Variants in ZNF143 observed in about 807,000 individuals in gnomAD.
ZNF143 encodes zinc finger protein 143, also known as SPH-binding factor.
In ZNF143, 49 loss-of-function variants were observed where a neutral mutation model predicts 74.1. That is an observed-to-expected ratio of 0.66 (90% CI 0.53 to 0.84). ZNF143 has a LOEUF of 0.84. ZNF143 is among the 40% of genes least tolerant of loss of function. The pLI is 0.00. For missense variants in ZNF143, 637 were observed against 793.4 expected (o/e 0.80, Z 2.37); for synonymous variants, 304 against 282.8 (o/e 1.07, Z -0.75).
Position 9,527,613 on chromosome 11 carries a change from A to G in ZNF143, c.1917A>G (p.Ter639=), listed in dbSNP as rs759241149. Residue 639 remains the stop codon, a stop_retained_variant, in exon 16 of 16, where the codon TAA becomes TAG. Transcript: ENST00000396602. ...QQGETPGLDD[*] is the part of the protein sequence containing the mutation. ...GAGAAACGCCAGGGTTGGATGATTAATCCTCAGAACAATGGAGCAATAAAG... is the reference window on the plus strand; with the variant it reads ...GAGAAACGCCAGGGTTGGATGATTAGTCCTCAGAACAATGGAGCAATAAAG... 5.6e-6 allele frequency: 9 copies of G among 1,613,598 alleles called. No homozygotes were observed. The Admixed American group carries it at 1.5e-4, about 27-fold the overall frequency.
intron 15 of ZNF143, among the ~76,000 whole-genome samples, chr11:9,527,119 C>T (rs1204931144): frequency 1.3e-5 from 2 of 152,114 alleles, no homozygotes; most frequent in Non-Finnish European, 2.9e-5. Flanking sequence ...AGGCGTGAGC[C>T]ACCGCGCCCA....
Position 9,494,628 on chromosome 11 carries a change from A to G in ZNF143, c.646-18A>G, listed in dbSNP as rs759589389. The G allele has an allele frequency of 3.2e-5, 51 of 1,610,816 alleles. No homozygotes were observed. The highest frequency in any genetic ancestry group is 4.1e-5 in the Non-Finnish European group (48 of 1,178,096). On this transcript the variant is annotated intron_variant, in intron 7 of 15. Transcript: ENST00000396602. ...GCCTGGCTTAAGTAATTTAAGTAAT[A>G]CTATTTGTTTTATTTAGATTGTTTT...
chr11:9,483,145 C>A (rs1467466063), intron 7 of ZNF143, among the ~76,000 whole-genome samples: 2 of 150,692 alleles, frequency 1.3e-5, no homozygotes, highest in African/African-American at 5.0e-5. Context: ...AGGCATGCAC[C>A]ACCACACCCA....
At chr11:9,479,166 T>C (rs1348584839) in intron 6 of ZNF143, among the ~76,000 whole-genome samples, 1 of 152,090 alleles carries the variant, frequency 6.6e-6, no homozygotes, top group Non-Finnish European at 1.5e-5. Context: ...TCTTTTTTTT[T>C]TTCTTTACAA....
At chr11:9,464,693 G>A (rs187794443) in intron 1 of ZNF143, among the ~76,000 whole-genome samples, 1 of 152,184 alleles carries the variant, frequency 6.6e-6, no homozygotes, top group East Asian at 1.9e-4. Flanking sequence ...AGGCCGAGGT[G>A]GGTGGATCAC....
intron 1 of ZNF143, among the ~76,000 whole-genome samples, chr11:9,462,962 A>G (rs1005122588): frequency 1.3e-5 from 2 of 152,312 alleles, no homozygotes; most frequent in Non-Finnish European, 1.5e-5. Context: ...AAAAGAAACT[A>G]TACCCGTTAG....
intron 10 of ZNF143, among the ~76,000 whole-genome samples, chr11:9,499,765 T>TATA (rs1454122895): frequency 1.3e-5 from 2 of 152,192 alleles, no homozygotes; most frequent in Non-Finnish European, 2.9e-5. Context: ...TGTATCTGTC[T>TATA]ATATAAAGAG....
At chr11:9,470,008 A>G (rs917771086) in intron 1 of ZNF143, among the ~76,000 whole-genome samples, 1 of 152,212 alleles carries the variant, frequency 6.6e-6, no homozygotes, top group Non-Finnish European at 1.5e-5. Context: ...CTATCTGTGT[A>G]TTGCTCTTTT....
At chr11:9,486,448 T>TATATATA (rs1565039573) in intron 7 of ZNF143, among the ~76,000 whole-genome samples, 3 of 55,176 alleles carry the variant, frequency 5.4e-5, no homozygotes, top group African/African-American at 2.0e-4. Flanking sequence ...TAATATATTA[T>TATATATA]ATATATTATA....
At chr11:9,510,604 C>T (rs1387845934) in intron 12 of ZNF143, among the ~76,000 whole-genome samples, 2 of 152,106 alleles carry the variant, frequency 1.3e-5, no homozygotes, top group East Asian at 3.9e-4. Flanking sequence ...TGGAACAGAA[C>T]AAAAAGGAAT....
intron 13 of ZNF143, among the ~76,000 whole-genome samples, chr11:9,514,212 G>C (rs1565063622): frequency 1.3e-5 from 2 of 152,138 alleles, no homozygotes; most frequent in Non-Finnish European, 2.9e-5. Context: ...TATCAGACCA[G>C]AACCCACCCC....
chr11:9,520,446 A>G (rs1172806848), intron 14 of ZNF143, among the ~76,000 whole-genome samples: 1 of 150,582 alleles, frequency 6.6e-6, no homozygotes, highest in African/African-American at 2.4e-5. Flanking sequence ...TTGGTGAGCC[A>G]TGTTCATTGT....
intron 2 of ZNF143, among the ~76,000 whole-genome samples, chr11:9,472,159 G>T (rs903346358): frequency 8.0e-5 from 12 of 149,920 alleles, no homozygotes; most frequent in African/African-American, 2.5e-4. Context: ...AAACTCCTGG[G>T]CTCAAGCCAT....
At chr11:9,513,061 C>T (rs1217585931) in intron 13 of ZNF143, among the ~76,000 whole-genome samples, 1 of 152,150 alleles carries the variant, frequency 6.6e-6, no homozygotes. Context: ...CTTGATTTCC[C>T]CCCAGGAAAA....
chr11:9,495,922 G>A (rs1847941833), intron 8 of ZNF143, among the ~76,000 whole-genome samples: 1 of 152,042 alleles, frequency 6.6e-6, no homozygotes, highest in African/African-American at 2.4e-5. Context: ...AGGCAGTGGT[G>A]GATCCTTGCC....
At chr11:9,522,150 G>T (rs76158952) in intron 14 of ZNF143, among the ~76,000 whole-genome samples, 1 of 151,290 alleles carries the variant, frequency 6.6e-6, no homozygotes, top group African/African-American at 2.4e-5. Flanking sequence ...GGAAAAAAAA[G>T]GTTTAAATTG....
At chr11:9,470,859 T>TG (rs1037759775) in intron 1 of ZNF143, among the ~76,000 whole-genome samples, 1 of 152,024 alleles carries the variant, frequency 6.6e-6, no homozygotes. Context: ...GTAATGCAGG[T>TG]GAGAGACTGG....
intron 7 of ZNF143, among the ~76,000 whole-genome samples, chr11:9,488,597 C>G (rs920965478): frequency 1.3e-5 from 2 of 152,144 alleles, no homozygotes; most frequent in African/African-American, 4.8e-5. Flanking sequence ...CCTACTTTTG[C>G]ATTTTGCCCT....
At chr11:9,471,968 C>T (rs1231129136) in intron 2 of ZNF143, among the ~76,000 whole-genome samples, 3 of 145,704 alleles carry the variant, frequency 2.1e-5, no homozygotes, top group Admixed American at 1.4e-4. Context: ...CTTGCTTTAT[C>T]GCCCAGGCTG....
Sources: allele counts gnomAD v4.1 joint callset (sites outside exome capture counted in the v4.1 genomes callset), GRCh38; gene constraint gnomAD v4.1.1; transcripts MANE v1.5; gene names NCBI Gene and HGNC (gene_info 2026-07-23, HGNC 2026-07-21).